SLC35G4: variants seen among roughly 807,000 people sequenced by gnomAD.
SLC35G4 encodes acyl-malonyl-condensing enzyme 1-like protein 1.
SLC35G4 carries 12 observed loss-of-function variants against 15.8 expected under a neutral mutation model. The observed-to-expected ratio is 0.76, with a 90% CI of 0.49 to 1.23. The LOEUF (loss-of-function observed/expected upper bound fraction) is 1.23, where lower values mean the gene tolerates loss of function less well. Ranked by LOEUF, SLC35G4 falls within the 50% of genes most tolerant of loss-of-function variation. The probability of loss-of-function intolerance (pLI) is 0.00; values close to 1 mark genes in which losing one functional copy is unlikely to be tolerated. For missense variants in SLC35G4, 390 were observed against 422.1 expected (o/e 0.92, Z 0.67); for synonymous variants, 177 against 186.5 (o/e 0.95, Z 0.41).
chr18:11,609,640 C>A lies in SLC35G4; in HGVS notation c.45C>A (p.His15Gln). Residue 15 changes from histidine (H) to glutamine (Q), a missense_variant, in exon 1 of 1, where the codon CAC becomes CAA. Physicochemically the swap from His to Gln is conservative, Grantham distance 24. Transcript: ENST00000588001. ...HPYFNLPDSTHPSPPSTPPSL... is the reference protein window; with the variant it reads ...HPYFNLPDSTQPSPPSTPPSL... Reference sequence around the variant, plus strand: ...ACTTCAACCTGCCTGACTCCACACACCCATCGCCGCCCTCCACTCCACCCA... The same window carrying A: ...ACTTCAACCTGCCTGACTCCACACAACCATCGCCGCCCTCCACTCCACCCA... The A allele has an allele frequency of 9.9e-6, 16 of 1,612,300 alleles. No individual in the cohort carries two copies. In the South Asian group the frequency reaches 1.7e-4, roughly 17 times the overall value.
At position 11,609,881 on chromosome 18, in the gene SLC35G4, G is replaced by A. The variant is rs1275302988; in HGVS notation, c.286G>A (p.Gly96Arg). ...LLKLRGDPLL[G>R]PPDIRGRTCF... ...TAAACTGCGTGGCGACCCCCTTCTGGGACCTCCTGACATCCGAGGCCGCAC... is the reference window on the plus strand; with the variant it reads ...TAAACTGCGTGGCGACCCCCTTCTGAGACCTCCTGACATCCGAGGCCGCAC... Residue 96 changes from glycine to arginine, a missense_variant, in exon 1 of 1, where the codon GGA (glycine) becomes AGA (arginine). Transcript: ENST00000588001. The A allele has an allele frequency of 1.2e-6, 2 of 1,613,352 alleles. No homozygotes were observed. Among genetic ancestry groups the A allele is most frequent in the Admixed American group, 3.3e-5 (2 of 59,978 alleles).
chr18:11,609,961 T>A lies in SLC35G4; in HGVS notation c.366T>A (p.Val122=). Residue 122 remains valine (V), a synonymous_variant, in exon 1 of 1, where the codon GTT becomes GTA. Transcript: ENST00000588001. ...ACATTGGATGTGCCTATAGTGCGGT[T>A]CAGGTGGTGCCCACTGGCAATGCTG... ...VLNIGCAYSA[V]QVVPTGNAAT... is the part of the protein sequence containing the mutation. 6.2e-7 allele frequency: 1 copy of A among 1,614,034 alleles called. No homozygotes were observed. Among genetic ancestry groups the A allele is most frequent in the Non-Finnish European group, 8.5e-7 (1 of 1,179,876 alleles).
In SLC35G4 at chr18:11,609,779, T is replaced by A. The variant is rs1260041626; in HGVS notation, c.184T>A (p.Tyr62Asn). ...CGTGGGCCCCCTTTCTCGTATGGCTTACCAGGCTTCCAACCTGCCCTCGCT... is the reference window on the plus strand; with the variant it reads ...CGTGGGCCCCCTTTCTCGTATGGCTAACCAGGCTTCCAACCTGCCCTCGCT... ...GFVGPLSRMA[Y>N]QASNLPSLEL... Residue 62 changes from tyrosine (Y) to asparagine (N), a missense_variant, in exon 1 of 1, where the codon TAC becomes AAC. Physicochemically the swap from Tyr to Asn is moderately radical, Grantham distance 143 (BLOSUM62 -2). This residue lies in a region of SLC35G4 where 331 missense variants were observed against 241.1 expected (regional missense o/e 1.37). Coordinates refer to ENST00000588001, the MANE Select transcript of SLC35G4 (RefSeq NM_001282300.2). The A allele has an allele frequency of 1.2e-6, 2 of 1,613,832 alleles. No homozygotes were observed. Among genetic ancestry groups the A allele is most frequent in the East Asian group, 4.5e-5 (2 of 44,836 alleles).
chr18:11,609,841 T>C lies in SLC35G4; in HGVS notation c.246T>C (p.Pro82=), dbSNP rs1567967924. The change falls in exon 1 of 1, where the codon CCT becomes CCC. Residue 82 remains proline, a synonymous_variant. Coordinates refer to ENST00000588001, the MANE Select transcript of SLC35G4 (RefSeq NM_001282300.2). The stretch of plus-strand genomic sequence containing the variant: ...TCTGTCGATGCCTCTTCCACCTCCC[T>C]ATTGCCCTGCTACTTAAACTGCGTG... ...LVICRCLFHL[P]IALLLKLRGD... 1 of 1,613,716 alleles carries C rather than the reference T, an allele frequency of 6.2e-7. No individual in the cohort carries two copies. The highest frequency in any genetic ancestry group is 8.5e-7 in the Non-Finnish European group (1 of 1,179,798).
rs550435193 is a variant in SLC35G4 at position 11,609,971 on chromosome 18, C to A, written c.376C>A (p.Pro126Thr). Residue 126 changes from proline to threonine, a missense_variant, in exon 1 of 1, where the codon CCC (proline) becomes ACC (threonine). Transcript: ENST00000588001. ...GCAYSAVQVV[P>T]TGNAATVRKH... is the part of the protein sequence containing the mutation. The stretch of plus-strand genomic sequence containing the variant: ...TGCCTATAGTGCGGTTCAGGTGGTG[C>A]CCACTGGCAATGCTGCCACTGTTCG... 10 of 1,613,974 alleles carry A rather than the reference C, an allele frequency of 6.2e-6. No individual in the cohort carries two copies. The African/African-American group carries it at 1.2e-4, about 19-fold the overall frequency.
Position 11,609,955 on chromosome 18 carries a change from T to G in SLC35G4, c.360T>G (p.Ser120Arg). Residue 120 changes from serine to arginine, a missense_variant, in exon 1 of 1, where the codon AGT (serine) becomes AGG (arginine). By Grantham distance (110) the Ser-to-Arg change is moderately radical. This residue lies in a region of SLC35G4 where 331 missense variants were observed against 241.1 expected (regional missense o/e 1.37). Transcript: ENST00000588001. ...TCCTCAACATTGGATGTGCCTATAGTGCGGTTCAGGTGGTGCCCACTGGCA... is the reference window on the plus strand; with the variant it reads ...TCCTCAACATTGGATGTGCCTATAGGGCGGTTCAGGTGGTGCCCACTGGCA... Reference protein sequence around the residue: ...LNVLNIGCAYSAVQVVPTGNA... With the variant: ...LNVLNIGCAYRAVQVVPTGNA... 1 of 1,614,004 alleles carries G rather than the reference T, an allele frequency of 6.2e-7. No individual in the cohort carries two copies. The highest frequency in any genetic ancestry group is 1.1e-5 in the South Asian group (1 of 91,080).
chr18:11,609,918 C>T lies in SLC35G4; in HGVS notation c.323C>T (p.Ala108Val), dbSNP rs1169284297. 6 of 1,613,872 alleles carry T rather than the reference C, an allele frequency of 3.7e-6. No homozygotes were observed. Among genetic ancestry groups the T allele is most frequent in the African/African-American group, 2.7e-5 (2 of 74,932 alleles). Residue 108 changes from alanine to valine, a missense_variant, in exon 1 of 1, where the codon GCC becomes GTC. Ala to Val is a moderately conservative substitution (Grantham distance 64). Transcript: ENST00000588001. ...ATCCGAGGCCGCACCTGCTTCTGTG[C>T]CCTGCTCAACGTCCTCAACATTGGA... is the stretch of plus-strand genomic sequence containing the variant. ...PDIRGRTCFC[A>V]LLNVLNIGCA...
In SLC35G4 at chr18:11,610,080, T is replaced by A. The variant is rs1196780567; in HGVS notation, c.485T>A (p.Leu162Gln). The A allele has an allele frequency of 9.3e-6, 15 of 1,613,854 alleles. No homozygotes were observed. The highest frequency in any genetic ancestry group is 1.3e-5 in the African/African-American group (1 of 74,924). Residue 162 changes from leucine (L) to glutamine (Q), a missense_variant, in exon 1 of 1, where the codon CTG becomes CAG. By Grantham distance (113) the Leu-to-Gln change is moderately radical. Transcript: ENST00000588001. ...CTCAGTGGCTACGACTGGTGTGGAC[T>A]GTTGGGCAGCATCCTAGGACTAATA... The part of the protein sequence containing the change: ...QVLSGYDWCG[L>Q]LGSILGLIII...
chr18:11,610,025 A>G lies in SLC35G4; in HGVS notation c.430A>G (p.Ile144Val), dbSNP rs80224205. Residue 144 changes from isoleucine to valine, a missense_variant, in exon 1 of 1, where the codon ATC becomes GTC. Ile to Val is a conservative substitution (Grantham distance 29, BLOSUM62 3). Coordinates refer to ENST00000588001, the MANE Select transcript of SLC35G4 (RefSeq NM_001282300.2). The part of the protein sequence containing the change: ...RKHSSTVCSA[I>V]LTLCLESQVL... ...ACATTCTTCCACCGTCTGCTCCGCC[A>G]TCCTCACCCTCTGCCTTGAGAGCCA... 0.19 allele frequency: 298,160 copies of G among 1,580,296 alleles called. 32,732 individuals carry two copies. Among genetic ancestry groups the G allele is most frequent in the African/African-American group, 0.35 (26,026 of 73,714 alleles).
In SLC35G4 at chr18:11,609,599, G is replaced by A. The variant is rs938988244; in HGVS notation, c.4G>A (p.Ala2Thr). The change falls in exon 1 of 1, where the codon GCT becomes ACT. Residue 2 changes from alanine (A) to threonine (T), a missense_variant. By Grantham distance (58) the Ala-to-Thr change is moderately conservative. Coordinates refer to ENST00000588001, the MANE Select transcript of SLC35G4 (RefSeq NM_001282300.2). Reference protein sequence around the residue: MAGSHPYFNLPD... With the variant: MTGSHPYFNLPD... ...AGAGGAGAAAGTCCAAGGAAAGATG[G>A]CTGGCAGTCACCCCTACTTCAACCT... The A allele has an allele frequency of 5.9e-5, 93 of 1,588,984 alleles. No homozygotes were observed. The African/African-American group carries it at 1.1e-3, about 19-fold the overall frequency.
rs768079148 is a variant in SLC35G4, at chr18:11,609,753, T to A, written c.158T>A (p.Phe53Tyr). 2.4e-5 allele frequency: 39 copies of A among 1,613,668 alleles called. No homozygotes were observed. Among genetic ancestry groups the A allele is most frequent in the Middle Eastern group, 1.7e-4 (1 of 5,918 alleles). Residue 53 changes from phenylalanine to tyrosine, a missense_variant, in exon 1 of 1, where the codon TTC becomes TAC. By Grantham distance (22) the Phe-to-Tyr change is conservative (BLOSUM62 3). Coordinates refer to ENST00000588001, the MANE Select transcript of SLC35G4 (RefSeq NM_001282300.2). ...ALLGGGLPAGFVGPLSRMAYQ... is the reference protein window; with the variant it reads ...ALLGGGLPAGYVGPLSRMAYQ... ...CTGGGTGGGGGCCTGCCTGCTGGCTTCGTGGGCCCCCTTTCTCGTATGGCT... is the reference window on the plus strand; with the variant it reads ...CTGGGTGGGGGCCTGCCTGCTGGCTACGTGGGCCCCCTTTCTCGTATGGCT...
rs76699910 is a variant in SLC35G4 at position 11,610,043 on chromosome 18, G to A, written c.448G>A (p.Glu150Lys). 313,955 of 1,611,264 alleles carry A rather than the reference G, an allele frequency of 0.19. 32,778 individuals carry two copies. Among genetic ancestry groups the A allele is most frequent in the African/African-American group, 0.36 (26,586 of 74,744 alleles). Residue 150 changes from glutamate (E) to lysine (K), a missense_variant, in exon 1 of 1, where the codon GAG (glutamate) becomes AAG (lysine). By Grantham distance (56) the Glu-to-Lys change is moderately conservative (BLOSUM62 1). This residue lies in a region of SLC35G4 where 331 missense variants were observed against 241.1 expected (regional missense o/e 1.37). Coordinates refer to ENST00000588001, the MANE Select transcript of SLC35G4 (RefSeq NM_001282300.2). ...VCSAILTLCL[E>K]SQVLSGYDWC... ...CTCCGCCATCCTCACCCTCTGCCTTGAGAGCCAGGTTCTCAGTGGCTACGA... is the reference window on the plus strand; with the variant it reads ...CTCCGCCATCCTCACCCTCTGCCTTAAGAGCCAGGTTCTCAGTGGCTACGA...
rs1349022131 is a variant in SLC35G4, at chr18:11,609,976, T to A, written c.381T>A (p.Thr127=). The change falls in exon 1 of 1, where the codon ACT becomes ACA. Residue 127 remains threonine (T), a synonymous_variant. Coordinates refer to ENST00000588001, the MANE Select transcript of SLC35G4 (RefSeq NM_001282300.2). ...ATAGTGCGGTTCAGGTGGTGCCCAC[T>A]GGCAATGCTGCCACTGTTCGCAAAC... ...CAYSAVQVVP[T]GNAATVRKHS... is the part of the protein sequence containing the mutation. 12 of 1,613,886 alleles carry A rather than the reference T, an allele frequency of 7.4e-6. No individual in the cohort carries two copies. The highest frequency in any genetic ancestry group is 1.7e-5 in the Admixed American group (1 of 60,000).
chr18:11,609,692 C>G lies in SLC35G4; in HGVS notation c.97C>G (p.Pro33Ala). The change falls in exon 1 of 1, where the codon CCC becomes GCC. Residue 33 changes from proline to alanine, a missense_variant. Physicochemically the swap from Pro to Ala is conservative, Grantham distance 27. Around this residue, in one of 2 missense-constraint regions of SLC35G4, gnomAD observed 331 missense variants for 241.1 expected, o/e 1.37. Transcript: ENST00000588001. ...CCTCCACTGGCACCAGCGCTGCCAG[C>G]CCTCTGATGCCACCAATGGCCTGCT... ...PSLHWHQRCQPSDATNGLLVA... is the reference protein window; with the variant it reads ...PSLHWHQRCQASDATNGLLVA... The G allele has an allele frequency of 1.2e-6, 2 of 1,614,018 alleles. No individual in the cohort carries two copies. The highest frequency in any genetic ancestry group is 1.7e-6 in the Non-Finnish European group (2 of 1,180,014).
rs571957857 is a variant in SLC35G4, at chr18:11,609,903, G to A, written c.308G>A (p.Arg103His). 153 of 1,612,832 alleles carry A rather than the reference G, an allele frequency of 9.5e-5. 1 individual carries two copies. The highest frequency in any genetic ancestry group is 1.2e-4 in the Non-Finnish European group (136 of 1,179,124). The part of the protein sequence containing the change: ...PLLGPPDIRG[R>H]TCFCALLNVL... ...CTGGGACCTCCTGACATCCGAGGCC[G>A]CACCTGCTTCTGTGCCCTGCTCAAC... Residue 103 changes from arginine (R) to histidine (H), a missense_variant, in exon 1 of 1, where the codon CGC becomes CAC. Coordinates refer to ENST00000588001, the MANE Select transcript of SLC35G4 (RefSeq NM_001282300.2).
Position 11,610,085 on chromosome 18 carries a change from G to A in SLC35G4, c.490G>A (p.Gly164Ser). The part of the protein sequence containing the change: ...LSGYDWCGLL[G>S]SILGLIIIVG... The stretch of plus-strand genomic sequence containing the variant: ...TGGCTACGACTGGTGTGGACTGTTG[G>A]GCAGCATCCTAGGACTAATAATCAT... Residue 164 changes from glycine to serine, a missense_variant, in exon 1 of 1, where the codon GGC becomes AGC. Physicochemically the swap from Gly to Ser is moderately conservative, Grantham distance 56 (BLOSUM62 0). Transcript: ENST00000588001. 6.2e-7 allele frequency: 1 copy of A among 1,613,920 alleles called. No homozygotes were observed. The highest frequency in any genetic ancestry group is 8.5e-7 in the Non-Finnish European group (1 of 1,179,876).
rs377046439 is a variant in SLC35G4, at chr18:11,610,131, C to A, written c.536C>A (p.Thr179Lys). 6.2e-7 allele frequency: 1 copy of A among 1,612,776 alleles called. No homozygotes were observed. ...LIIIVGPGLW[T>K]LQEGTTGVYT... Reference sequence around the variant, plus strand: ...ATCATTGTGGGACCTGGACTCTGGACACTACAGGAGGGGACCACGGGTGTC... The same window carrying A: ...ATCATTGTGGGACCTGGACTCTGGAAACTACAGGAGGGGACCACGGGTGTC... Residue 179 changes from threonine to lysine, a missense_variant, in exon 1 of 1, where the codon ACA becomes AAA. Physicochemically the swap from Thr to Lys is moderately conservative, Grantham distance 78. Around this residue, in one of 2 missense-constraint regions of SLC35G4, gnomAD observed 331 missense variants for 241.1 expected, o/e 1.37. Coordinates refer to ENST00000588001, the MANE Select transcript of SLC35G4 (RefSeq NM_001282300.2).
At position 11,609,842 on chromosome 18, in the gene SLC35G4, A is replaced by G. The variant is rs1163271621; in HGVS notation, c.247A>G (p.Ile83Val). 1.9e-6 allele frequency: 3 copies of G among 1,613,158 alleles called. No homozygotes were observed. The highest frequency in any genetic ancestry group is 2.5e-6 in the Non-Finnish European group (3 of 1,179,660). ...VICRCLFHLP[I>V]ALLLKLRGDP... is the part of the protein sequence containing the mutation. The stretch of plus-strand genomic sequence containing the variant: ...CTGTCGATGCCTCTTCCACCTCCCT[A>G]TTGCCCTGCTACTTAAACTGCGTGG... Residue 83 changes from isoleucine (I) to valine (V), a missense_variant, in exon 1 of 1, where the codon ATT becomes GTT. Physicochemically the swap from Ile to Val is conservative, Grantham distance 29 (BLOSUM62 3). Around this residue, in one of 2 missense-constraint regions of SLC35G4, gnomAD observed 331 missense variants for 241.1 expected, o/e 1.37. Transcript: ENST00000588001.
chr18:11,610,272 C>A lies in SLC35G4; in HGVS notation c.677C>A (p.Ser226Tyr). Residue 226 changes from serine to tyrosine, a missense_variant, in exon 1 of 1, where the codon TCT becomes TAT. Around this residue, in one of 2 missense-constraint regions of SLC35G4, gnomAD observed 59 missense variants for 181.0 expected, o/e 0.33. Transcript: ENST00000588001. ...PSCLPTVAFL[S>Y]GLVGLLGSVP... The stretch of plus-strand genomic sequence containing the variant: ...TGCCTCCCAACAGTGGCCTTCCTAT[C>A]TGGCTTGGTGGGGCTGCTGGGCTCT... 2.5e-6 allele frequency: 4 copies of A among 1,606,214 alleles called. No homozygotes were observed. The highest frequency in any genetic ancestry group is 3.4e-6 in the Non-Finnish European group (4 of 1,176,430).
Sources: gnomAD v4.1 joint callset for allele counts on GRCh38, gnomAD v4.1.1 for gene constraint, gnomAD v4.1.1 regional missense constraint, MANE v1.5 for transcripts, NCBI Gene and HGNC (gene_info 2026-07-23, HGNC 2026-07-21) for gene names.